The following VDAC1 variants were observed in gnomAD, a reference collection of about 807,000 sequenced individuals.
VDAC1 encodes non-selective voltage-gated ion channel VDAC1.
A neutral mutation model predicts 34.7 loss-of-function variants in VDAC1; 10 were observed. That is an observed-to-expected ratio of 0.29 (90% CI 0.18 to 0.49). The LOEUF (loss-of-function observed/expected upper bound fraction) is 0.49, where lower values mean the gene tolerates loss of function less well. VDAC1 is among the 20% of genes least tolerant of loss of function. The pLI is 0.99. For synonymous variants in VDAC1, 130 were observed against 136.0 expected, an observed-to-expected ratio of 0.96 and a Z score of 0.30; for missense variants, 230 against 347.9, an observed-to-expected ratio of 0.66 and a Z score of 2.69.
At chr5:134,075,023 A>T in the VDAC1 span, among the ~76,000 whole-genome samples, 1 of 152,192 alleles carries the variant, frequency 6.6e-6, no homozygotes, top group African/African-American at 2.4e-5. Context: ...GACTCTCAGC[A>T]GGCCACAGAG....
chr5:134,036,840 C>G, the VDAC1 span, among the ~76,000 whole-genome samples: 1 of 151,668 alleles, frequency 6.6e-6, no homozygotes, highest in Non-Finnish European at 1.5e-5. Context: ...GTAGTCCCAG[C>G]TACTTGGGAG....
At chr5:134,034,180 C>A in the VDAC1 span, among the ~76,000 whole-genome samples, 2 of 148,204 alleles carry the variant, frequency 1.3e-5, no homozygotes, top group East Asian at 2.0e-4. Flanking sequence ...GTGTCACGCG[C>A]AAAAAAAAAA....
At chr5:134,111,047 G>C in the VDAC1 span, among the ~76,000 whole-genome samples, 226 of 152,240 alleles carry the variant, frequency 1.5e-3, no homozygotes, top group African/African-American at 5.1e-3. Context: ...TCTTCACTAG[G>C]GTACAGTGGT....
chr5:133,985,471 C>T (rs979630368), intron 5 of VDAC1, among the ~76,000 whole-genome samples: 12 of 152,028 alleles, frequency 7.9e-5, no homozygotes, highest in Non-Finnish European at 1.2e-4. Flanking sequence ...CTGGCCAACA[C>T]GGAAAAACCC....
the VDAC1 span, among the ~76,000 whole-genome samples, chr5:134,089,358 G>A: frequency 1.3e-5 from 2 of 152,220 alleles, no homozygotes; most frequent in Non-Finnish European, 2.9e-5. Context: ...CAAATGAGAA[G>A]CAGGTGGCTT....
At chr5:134,102,560 C>T in the VDAC1 span, among the ~76,000 whole-genome samples, 1 of 151,722 alleles carries the variant, frequency 6.6e-6, no homozygotes, top group South Asian at 2.1e-4. Context: ...CCCAGCTACT[C>T]GGGAGGCTGA....
chr5:133,999,436 C>T (rs1286805113), intron 1 of VDAC1, among the ~76,000 whole-genome samples: 2 of 152,184 alleles, frequency 1.3e-5, no homozygotes, highest in Non-Finnish European at 2.9e-5. Context: ...CTCTGTCTGC[C>T]CCTCCAGATC....
the VDAC1 span, among the ~76,000 whole-genome samples, chr5:134,029,370 A>C: frequency 6.6e-6 from 1 of 152,224 alleles, no homozygotes; most frequent in Admixed American, 6.5e-5. Flanking sequence ...ACTTTGGGGT[A>C]ATTTATTATG....
chr5:133,993,600 T>C (rs1331579617), intron 1 of VDAC1, among the ~76,000 whole-genome samples: 2 of 152,204 alleles, frequency 1.3e-5, no homozygotes, highest in Non-Finnish European at 2.9e-5. Context: ...ATATTTCTCA[T>C]AGAGAATACA....
the VDAC1 span, among the ~76,000 whole-genome samples, chr5:134,023,978 C>CA: frequency 0.028 from 3,336 of 119,676 alleles, 102 homozygotes; most frequent in African/African-American, 0.085. Flanking sequence ...ACTAAAAATA[C>CA]AAAAAAAAAA....
the VDAC1 span, among the ~76,000 whole-genome samples, chr5:134,036,461 C>T: frequency 4.6e-5 from 7 of 152,108 alleles, no homozygotes; most frequent in African/African-American, 1.7e-4. Context: ...TTGGAAGACA[C>T]TAAAGAGACA....
In VDAC1 at chr5:133,992,954, T is replaced by C; in HGVS notation, c.59A>G (p.Lys20Arg). The C allele has an allele frequency of 1.2e-6, 2 of 1,613,702 alleles. No homozygotes were observed. Among genetic ancestry groups the C allele is most frequent in the Non-Finnish European group, 1.7e-6 (2 of 1,179,718 alleles). ...LGKSARDVFT[K>R]GYGFGLIKLD... is the part of the protein sequence containing the mutation. ...CTCTCTGCAACACTCACCATAGCCC[T>C]TGGTGAAGACATCCCTGGCAGATTT... Residue 20 changes from lysine (K) to arginine (R), a missense_variant, in exon 2 of 9, where the codon AAG becomes AGG. Physicochemically the swap from Lys to Arg is conservative, Grantham distance 26. Transcript: ENST00000265333.
the VDAC1 span, among the ~76,000 whole-genome samples, chr5:134,105,862 C>T: frequency 6.6e-6 from 1 of 152,388 alleles, no homozygotes; most frequent in South Asian, 2.1e-4. Context: ...CTTTCTAGGA[C>T]CCCATGATGG....
At chr5:134,072,867 G>A in the VDAC1 span, among the ~76,000 whole-genome samples, 29 of 152,308 alleles carry the variant, frequency 1.9e-4, no homozygotes, top group African/African-American at 6.7e-4. Context: ...CTTCTCTGGG[G>A]ATGTGGTCTC....
At position 134,001,900 on chromosome 5, in the gene VDAC1, G is replaced by A. The variant is rs114369294; in HGVS notation, c.-7+2995C>T. The stretch of plus-strand genomic sequence containing the variant: ...CACTCATCCCAAACCCCCTGAGTAC[G>A]TGGTAAAATGGAGAAATGCGCCCAG... On this transcript the variant is annotated intron_variant, in intron 1 of 8. Transcript: ENST00000265333. 3.0e-3 allele frequency among the ~76,000 whole-genome samples: 454 copies of A among 152,124 alleles called. 2 individuals are homozygous for A. Among genetic ancestry groups the A allele is most frequent in the African/African-American group, 0.011 (441 of 41,494 alleles).
the VDAC1 span, among the ~76,000 whole-genome samples, chr5:134,019,338 G>C: frequency 6.6e-6 from 1 of 152,134 alleles, no homozygotes; most frequent in African/African-American, 2.4e-5. Flanking sequence ...AGCACTTTGG[G>C]AGTCTAAGGG....
At chr5:134,098,426 T>C in the VDAC1 span, among the ~76,000 whole-genome samples, 1 of 151,944 alleles carries the variant, frequency 6.6e-6, no homozygotes, top group Non-Finnish European at 1.5e-5. Context: ...GGTTTCACCA[T>C]ATTGGCCAGG....
chr5:134,102,356 T>C, the VDAC1 span, among the ~76,000 whole-genome samples: 1 of 150,396 alleles, frequency 6.6e-6, no homozygotes, highest in Non-Finnish European at 1.5e-5. Flanking sequence ...CCAAAGCTTT[T>C]ATTTCCACCT....
the VDAC1 span, among the ~76,000 whole-genome samples, chr5:134,072,737 C>T: frequency 1.8e-3 from 281 of 152,304 alleles, 1 homozygote; most frequent in Non-Finnish European, 3.5e-3. Flanking sequence ...GGTCCCAGCT[C>T]CAGGTTCCTC....
Sources: allele counts gnomAD v4.1 joint callset (sites outside exome capture counted in the v4.1 genomes callset), GRCh38; gene constraint gnomAD v4.1.1; transcripts MANE v1.5; gene names NCBI Gene and HGNC (gene_info 2026-07-23, HGNC 2026-07-21).